Variants in GALNT13 observed in about 807,000 individuals in gnomAD.
The protein encoded by GALNT13 is polypeptide N-acetylgalactosaminyltransferase 13.
A neutral mutation model predicts 64.2 loss-of-function variants in GALNT13; 28 were observed. The observed-to-expected ratio is 0.44, with a 90% confidence interval of 0.32 to 0.60. The LOEUF is 0.60. Among genes scored for constraint, GALNT13 ranks in the 20% least tolerant of loss-of-function variants. The pLI is 0.05. For synonymous variants in GALNT13, 214 were observed against 224.6 expected (o/e 0.95, Z 0.42); for missense variants, 577 against 669.8 (o/e 0.86, Z 1.53).
At chr2:153,171,241 T>C in the GALNT13 span, among the ~76,000 whole-genome samples, 2 of 152,348 alleles carry the variant, frequency 1.3e-5, no homozygotes, top group East Asian at 1.9e-4. Flanking sequence ...TAAATGCTTC[T>C]GATCAAGGCT....
intron 11 of GALNT13, chr2:154,437,377 A>G (rs560407184): frequency 1.3e-4 from 46 of 351,570 alleles, no homozygotes; most frequent in Non-Finnish European, 2.1e-4. Context: ...TCCAGAGTTT[A>G]TGTTATTTGT....
At chr2:153,219,286 G>T in the GALNT13 span, among the ~76,000 whole-genome samples, 2 of 151,538 alleles carry the variant, frequency 1.3e-5, no homozygotes. Flanking sequence ...GATGTTTTTG[G>T]TGAAACAATG....
chr2:153,283,601 CCCCACTTCA>C, the GALNT13 span, among the ~76,000 whole-genome samples: 10 of 151,976 alleles, frequency 6.6e-5, no homozygotes, highest in African/African-American at 2.4e-4. Flanking sequence ...GTGGAGAGGG[CCCCACTTCA>C]CCACGATCTC....
chr2:154,224,412 A>G (rs1688479920), intron 4 of GALNT13, among the ~76,000 whole-genome samples: 1 of 152,076 alleles, frequency 6.6e-6, no homozygotes, highest in South Asian at 2.1e-4. Flanking sequence ...TCTGATAAGC[A>G]TAAAACATTC....
chr2:153,611,655 C>A, the GALNT13 span, among the ~76,000 whole-genome samples: 4 of 149,974 alleles, frequency 2.7e-5, no homozygotes, highest in South Asian at 6.3e-4. Flanking sequence ...AGCCTCCATG[C>A]CTGACCAAGC....
the GALNT13 span, among the ~76,000 whole-genome samples, chr2:153,250,256 T>A: frequency 5.3e-5 from 8 of 152,210 alleles, no homozygotes; most frequent in South Asian, 1.7e-3. Flanking sequence ...AAGAAGACAT[T>A]TATGTGGGCA....
At chr2:153,704,750 C>T in the GALNT13 span, among the ~76,000 whole-genome samples, 1 of 152,110 alleles carries the variant, frequency 6.6e-6, no homozygotes, top group Non-Finnish European at 1.5e-5. Context: ...AAAATGTAGG[C>T]TGAAATCTTG....
chr2:153,754,918 C>T, the GALNT13 span, among the ~76,000 whole-genome samples: 1 of 152,118 alleles, frequency 6.6e-6, no homozygotes, highest in Non-Finnish European at 1.5e-5. Context: ...TAAATGCTCC[C>T]TCCATGGGTG....
chr2:153,775,970 T>A, the GALNT13 span, among the ~76,000 whole-genome samples: 1 of 152,180 alleles, frequency 6.6e-6, no homozygotes, highest in East Asian at 1.9e-4. Context: ...TTGTCCATAA[T>A]AAATTATAAA....
At chr2:153,518,285 C>A in the GALNT13 span, among the ~76,000 whole-genome samples, 1 of 152,176 alleles carries the variant, frequency 6.6e-6, no homozygotes, top group Non-Finnish European at 1.5e-5. Flanking sequence ...CACACACAAT[C>A]TGTCTCCTTG....
the GALNT13 span, among the ~76,000 whole-genome samples, chr2:153,848,799 A>C: frequency 6.6e-6 from 1 of 151,910 alleles, no homozygotes; most frequent in African/African-American, 2.4e-5. Flanking sequence ...TAAATAATTG[A>C]ATCTATATTT....
chr2:154,297,205 A>T (rs1692977221), intron 8 of GALNT13, among the ~76,000 whole-genome samples: 1 of 152,188 alleles, frequency 6.6e-6, no homozygotes, highest in African/African-American at 2.4e-5. Flanking sequence ...TAAATTTTTA[A>T]AAGACCACTT....
chr2:153,229,685 G>A, the GALNT13 span, among the ~76,000 whole-genome samples: 2 of 152,200 alleles, frequency 1.3e-5, no homozygotes, highest in Non-Finnish European at 2.9e-5. Context: ...TGAAAAGCAT[G>A]CATTTGGTGA....
At chr2:153,786,789 C>T in the GALNT13 span, among the ~76,000 whole-genome samples, 1 of 152,200 alleles carries the variant, frequency 6.6e-6, no homozygotes, top group African/African-American at 2.4e-5. Context: ...GTGGTACTAC[C>T]CCTGCTACCC....
At chr2:153,444,267 C>T in the GALNT13 span, among the ~76,000 whole-genome samples, 1 of 152,096 alleles carries the variant, frequency 6.6e-6, no homozygotes, top group Admixed American at 6.6e-5. Context: ...TGTTTATCTC[C>T]CTCTTAGATC....
intron 11 of GALNT13, among the ~76,000 whole-genome samples, chr2:154,438,214 C>T (rs1701093420): frequency 6.6e-6 from 1 of 152,146 alleles, no homozygotes; most frequent in African/African-American, 2.4e-5. Context: ...AATTGGAGAA[C>T]TGGTCATACA....
chr2:154,149,332 C>T (rs926662953), intron 4 of GALNT13, among the ~76,000 whole-genome samples: 1 of 152,078 alleles, frequency 6.6e-6, no homozygotes, highest in African/African-American at 2.4e-5. Flanking sequence ...TTACAGTAGC[C>T]TTGTAGTATA....
At chr2:154,114,035 G>A (rs548713687) in intron 3 of GALNT13, among the ~76,000 whole-genome samples, 19 of 152,172 alleles carry the variant, frequency 1.2e-4, no homozygotes, top group Non-Finnish European at 2.4e-4. Context: ...TCCAAGAGCC[G>A]TCTGTCTTCT....
At chr2:153,411,488 G>A in the GALNT13 span, among the ~76,000 whole-genome samples, 20 of 152,056 alleles carry the variant, frequency 1.3e-4, no homozygotes, top group Non-Finnish European at 2.5e-4. Flanking sequence ...GGGAGTAGGC[G>A]GTGGGGGAAG....
Sources: gnomAD v4.1 joint callset for allele counts (sites outside exome capture counted in the v4.1 genomes callset) on GRCh38, gnomAD v4.1.1 for gene constraint, MANE v1.5 for transcripts, NCBI Gene and HGNC (gene_info 2026-07-23, HGNC 2026-07-21) for gene names.